The following COL5A2 variants were observed in gnomAD, a reference collection of about 807,000 sequenced individuals.
COL5A2 encodes the protein collagen alpha-2(V) chain.
A neutral mutation model predicts 208.2 loss-of-function variants in COL5A2; 23 were observed. That is an observed-to-expected ratio of 0.11 (90% confidence interval 0.08 to 0.16). The LOEUF is 0.16. Among genes scored for constraint, COL5A2 ranks in the 10% least tolerant of loss-of-function variants. COL5A2 has a pLI of 1.00. For missense variants in COL5A2, 1,590 were observed against 1,956.4 expected (o/e 0.81, Z 3.53); for synonymous variants, 625 against 628.5 (o/e 0.99, Z 0.08).
chr2:189,402,542 A>G, the COL5A2 span, among the ~76,000 whole-genome samples: 1 of 152,172 alleles, frequency 6.6e-6, no homozygotes, highest in African/African-American at 2.4e-5. Context: ...TTACATTTCA[A>G]TCTTTAATCC....
chr2:189,252,267 T>C, the COL5A2 span, among the ~76,000 whole-genome samples: 1 of 152,224 alleles, frequency 6.6e-6, no homozygotes, highest in East Asian at 1.9e-4. Context: ...ACTGGGTATA[T>C]ACCCAAAGGA....
At chr2:189,344,622 TG>T in the COL5A2 span, among the ~76,000 whole-genome samples, 1 of 152,226 alleles carries the variant, frequency 6.6e-6, no homozygotes, top group African/African-American at 2.4e-5. Context: ...CTCCATCGGT[TG>T]GGCTTGTTCA....
At chr2:189,120,858 T>A (rs1687486146) in intron 1 of COL5A2, among the ~76,000 whole-genome samples, 1 of 152,206 alleles carries the variant, frequency 6.6e-6, no homozygotes, top group Non-Finnish European at 1.5e-5. Flanking sequence ...GTTTAAATCA[T>A]AAAATAAATA....
In COL5A2 at chr2:189,032,134, A is replaced by C. The variant is rs1685348186; in HGVS notation, c.*1936T>G. Reference sequence around the variant, plus strand: ...ATACAGGTCAAAATATAACCAGTTTAGGGGAAAATGATGTTGTAAACTAAA... The same window carrying C: ...ATACAGGTCAAAATATAACCAGTTTCGGGGAAAATGATGTTGTAAACTAAA... On this transcript the variant is annotated 3_prime_UTR_variant, in exon 54 of 54. Coordinates refer to ENST00000374866, the MANE Select transcript of COL5A2 (RefSeq NM_000393.5). The C allele has an allele frequency of 6.6e-6, 1 of 152,180 alleles. No individual in the cohort carries two copies. Among genetic ancestry groups the C allele is most frequent in the African/African-American group, 2.4e-5 (1 of 41,450 alleles). The allele number at this position is 152,180 out of a possible 1,614,324, so 9.4% of individuals were successfully genotyped here. A position where few individuals can be genotyped will look rare whatever the true frequency, so the allele number is the denominator to read the frequency against.
chr2:189,366,804 T>C, the COL5A2 span, among the ~76,000 whole-genome samples: 5 of 152,228 alleles, frequency 3.3e-5, no homozygotes, highest in Admixed American at 6.5e-5. Flanking sequence ...AATCAAAGAA[T>C]GAGAACTTTG....
intron 1 of COL5A2, among the ~76,000 whole-genome samples, chr2:189,135,550 G>A (rs1559120022): frequency 6.6e-6 from 1 of 152,120 alleles, no homozygotes; most frequent in Non-Finnish European, 1.5e-5. Context: ...TACTCCACAT[G>A]GCAGTTTATC....
chr2:189,143,839 G>T (rs1298815134), intron 1 of COL5A2, among the ~76,000 whole-genome samples: 2 of 152,054 alleles, frequency 1.3e-5, no homozygotes, highest in Non-Finnish European at 2.9e-5. Flanking sequence ...ACTGTAGGAA[G>T]AAATGAAGAC....
In COL5A2 at chr2:189,083,973, T is replaced by C. The variant is rs1481921726; in HGVS notation, c.852+11A>G. On this transcript the variant is annotated intron_variant, in intron 12 of 53. Coordinates refer to ENST00000374866, the MANE Select transcript of COL5A2 (RefSeq NM_000393.5). ...TTTCAAAGTTTGCCTTTATGTTGAG[T>C]ATAAACTTACCGGAGATCCTGCAAA... 6.2e-7 allele frequency: 1 copy of C among 1,604,064 alleles called. No homozygotes were observed. The highest frequency in any genetic ancestry group is 8.5e-7 in the Non-Finnish European group (1 of 1,170,960).
chr2:189,439,253 T>C, the COL5A2 span, among the ~76,000 whole-genome samples: 6 of 152,174 alleles, frequency 3.9e-5, no homozygotes, highest in South Asian at 2.1e-4. Context: ...TCCAGTAACA[T>C]ACAGATTTTG....
upstream of COL5A2, among the ~76,000 whole-genome samples, chr2:189,184,839 A>C (rs1688828614): frequency 6.6e-6 from 1 of 152,172 alleles, no homozygotes; most frequent in South Asian, 2.1e-4. Flanking sequence ...TGTACCATAG[A>C]CAGAAATAAA....
intron 23 of COL5A2, among the ~76,000 whole-genome samples, chr2:189,065,271 G>C (rs1686123192): frequency 6.6e-6 from 1 of 152,102 alleles, no homozygotes; most frequent in Non-Finnish European, 1.5e-5. Flanking sequence ...CTCAAATCAA[G>C]AAATATTCTG....
At chr2:189,154,085 A>T (rs190159642) in intron 1 of COL5A2, among the ~76,000 whole-genome samples, 71 of 152,214 alleles carry the variant, frequency 4.7e-4, no homozygotes, top group Middle Eastern at 3.4e-3. Flanking sequence ...TACATTTTTT[A>T]AAAAATTAAG....
intron 22 of COL5A2, 38 bp downstream of exon 22, chr2:189,066,691 A>T (rs1453930322): frequency 6.5e-7 from 1 of 1,543,394 alleles, no homozygotes; most frequent in Admixed American, 1.7e-5. Context: ...TCCAGACAAT[A>T]CTATGTTCTA....
chr2:189,293,343 T>C, the COL5A2 span, among the ~76,000 whole-genome samples: 6 of 152,224 alleles, frequency 3.9e-5, no homozygotes, highest in Admixed American at 3.9e-4. Flanking sequence ...TGGGAGCAAT[T>C]CTCAACCGGT....
At chr2:189,303,733 CTG>C in the COL5A2 span, among the ~76,000 whole-genome samples, 1 of 152,192 alleles carries the variant, frequency 6.6e-6, no homozygotes, top group African/African-American at 2.4e-5. Context: ...AATGTTCAAA[CTG>C]TGTTCAAATA....
intron 35 of COL5A2, among the ~76,000 whole-genome samples, chr2:189,054,454 T>C (rs551277899): frequency 6.6e-6 from 1 of 152,312 alleles, no homozygotes; most frequent in South Asian, 2.1e-4. Flanking sequence ...ACCTAATTCA[T>C]GCATACATAA....
At chr2:189,107,490 ATTAT>A (rs1687174371) in intron 2 of COL5A2, among the ~76,000 whole-genome samples, 1 of 151,272 alleles carries the variant, frequency 6.6e-6, no homozygotes, top group Non-Finnish European at 1.5e-5. Context: ...GGATTTACAT[ATTAT>A]TTCTACTATA....
At chr2:189,253,167 T>A in the COL5A2 span, among the ~76,000 whole-genome samples, 5 of 152,210 alleles carry the variant, frequency 3.3e-5, no homozygotes, top group Non-Finnish European at 7.3e-5. Flanking sequence ...GTGGAGCTCA[T>A]GGCACGAAGG....
At chr2:189,191,164 A>C (rs372030594) in intron 1 of COL5A2, among the ~76,000 whole-genome samples, 70,181 of 113,764 alleles carry the variant, frequency 0.62, 20,687 homozygotes, top group Non-Finnish European at 0.73. Context: ...AAAAACAAAC[A>C]AACAACAAAA....
Sources: gnomAD v4.1 joint callset for allele counts (sites outside exome capture counted in the v4.1 genomes callset) on GRCh38, gnomAD v4.1.1 for gene constraint, MANE v1.5 for transcripts, NCBI Gene and HGNC (gene_info 2026-07-23, HGNC 2026-07-21) for gene names.